Variants in GALNS observed in about 807,000 individuals in gnomAD.
GALNS encodes the protein galactosamine (N-acetyl)-6-sulfatase, also known as N-acetylgalactosamine-6-sulfatase.
A neutral mutation model predicts 65.9 loss-of-function variants in GALNS; 65 were observed. The observed-to-expected ratio is 0.99, with a 90% CI of 0.81 to 1.21. The LOEUF (loss-of-function observed/expected upper bound fraction) is 1.21, where lower values mean the gene tolerates loss of function less well. GALNS is among the 50% of genes most tolerant of loss of function. The probability of loss-of-function intolerance (pLI) is 0.00; values close to 1 mark genes in which losing one functional copy is unlikely to be tolerated. For synonymous variants in GALNS, 346 were observed against 288.9 expected (o/e 1.20, Z -2.00); for missense variants, 776 against 700.7 (o/e 1.11, Z -1.21).
chr16:88,843,534 C>G (rs1240707639), intron 1 of GALNS: 25 of 271,858 alleles, frequency 9.2e-5, no homozygotes, highest in Non-Finnish European at 7.4e-6. Context: ...GATGAGGTCA[C>G]GCTGGGCCAG....
intron 13 of GALNS, 52 bp downstream of exon 13, chr16:88,817,954 TG>T: frequency 7.1e-7 from 1 of 1,418,206 alleles, no homozygotes; most frequent in Non-Finnish European, 9.6e-7. Context: ...GGGCCCCGGG[TG>T]GGTGGCTGCA....
At chr16:88,851,419 C>T (rs1260137135) in intron 1 of GALNS, among the ~76,000 whole-genome samples, 4 of 152,120 alleles carry the variant, frequency 2.6e-5, no homozygotes, top group East Asian at 3.9e-4. Flanking sequence ...GGAACAGCTC[C>T]GGGCTGCAGC....
At chr16:88,830,256 A>C (rs1567525143) in intron 9 of GALNS, among the ~76,000 whole-genome samples, 1 of 139,122 alleles carries the variant, frequency 7.2e-6, no homozygotes, top group Admixed American at 7.0e-5. Flanking sequence ...AAAAAAAAAA[A>C]CGTGGAACAG....
At chr16:88,854,533 C>T (rs576102833) in intron 1 of GALNS, among the ~76,000 whole-genome samples, 1 of 152,270 alleles carries the variant, frequency 6.6e-6, no homozygotes, top group East Asian at 1.9e-4. Context: ...GGGGTAGGCC[C>T]GAGGCTCCGA....
At chr16:88,853,443 A>G (rs1967602349) in intron 1 of GALNS, among the ~76,000 whole-genome samples, 1 of 152,064 alleles carries the variant, frequency 6.6e-6, no homozygotes, top group Non-Finnish European at 1.5e-5. Context: ...GTTTCAAACG[A>G]GGGGCACTGA....
chr16:88,827,798 G>T (rs1911087876), intron 9 of GALNS, among the ~76,000 whole-genome samples: 1 of 152,220 alleles, frequency 6.6e-6, no homozygotes, highest in Admixed American at 6.5e-5. Flanking sequence ...GGAGACTGGG[G>T]TGGGGCTGGA....
chr16:88,835,154 C>T, intron 8 of GALNS, 59 bp downstream of exon 8: 1 of 1,550,100 alleles, frequency 6.5e-7, no homozygotes, highest in Non-Finnish European at 8.7e-7. Flanking sequence ...CCGGTCCAGG[C>T]ACTCTTCGCT....
intron 1 of GALNS, among the ~76,000 whole-genome samples, chr16:88,848,788 G>A (rs973738338): frequency 5.3e-5 from 8 of 152,036 alleles, no homozygotes; most frequent in East Asian, 1.9e-4. Context: ...GACTGGGAAC[G>A]GCTGCTGGAG....
chr16:88,837,620 AC>A lies in GALNS; in HGVS notation c.566+1del, dbSNP rs1302052996. ...GGAGGGGAAGGGGTGGGGCTCCATT[AC>A]CTGCCAACCATCTCCCAGTCCCTGT... On this transcript the variant is annotated splice_donor_variant, in intron 5 of 13. Coordinates refer to ENST00000268695, the MANE Select transcript of GALNS (RefSeq NM_000512.5). LOFTEE classifies it high-confidence loss of function. 2 of 1,612,502 alleles carry A rather than the reference AC, an allele frequency of 1.2e-6. No individual in the cohort carries two copies. Among genetic ancestry groups the A allele is most frequent in the South Asian group, 1.1e-5 (1 of 91,028 alleles).
intron 4 of GALNS, among the ~76,000 whole-genome samples, chr16:88,838,052 C>G (rs911675177): frequency 6.6e-6 from 1 of 152,198 alleles, no homozygotes; most frequent in East Asian, 1.9e-4. Context: ...TCGTGAGGAG[C>G]CTCCCAGCCG....
rs1967613390 is a variant in GALNS at position 88,853,642 on chromosome 16, G to A, written c.120+3116C>T. On this transcript the variant is annotated intron_variant, in intron 1 of 13. Transcript: ENST00000268695. ...CAGGAGCTGTGTGTGGGCCAGAGTG[G>A]AACTTGTCACTGGGTCTCACCTGTC... Among the ~76,000 whole-genome samples the A allele has an allele frequency of 3.9e-5, 6 of 152,204 alleles. No homozygotes were observed. The South Asian group carries it at 1.2e-3, about 32-fold the overall frequency.
chr16:88,853,369 G>A (rs79271306), intron 1 of GALNS, among the ~76,000 whole-genome samples: 7,958 of 151,748 alleles, frequency 0.052, 254 homozygotes, highest in Non-Finnish European at 0.073. Flanking sequence ...TTTAAGAAAC[G>A]CAGTTTCCAT....
intron 1 of GALNS, chr16:88,856,200 A>G: frequency 1.4e-6 from 1 of 702,976 alleles, no homozygotes. Flanking sequence ...CCTTAGGGAC[A>G]CCTGACCTTC....
At position 88,814,329 on chromosome 16, in the gene GALNS, C is replaced by T. The variant is rs1396405247; in HGVS notation, c.*110G>A. 1 of 1,413,934 alleles carries T rather than the reference C, an allele frequency of 7.1e-7. No individual in the cohort carries two copies. The highest frequency in any genetic ancestry group is 1.4e-5 in the African/African-American group (1 of 70,380). 87.6% of individuals were successfully genotyped at this position (1,413,934 alleles called of 1,614,324 possible). A position where few individuals can be genotyped will look rare whatever the true frequency, so the allele number is the denominator to read the frequency against. ...GTCCCCCTGCGTCTGCAGGTGCTGT[C>T]TGTCTGGCTTGGGCAGGGTTGGGGG... On this transcript the variant is annotated 3_prime_UTR_variant, in exon 14 of 14. Coordinates refer to ENST00000268695, the MANE Select transcript of GALNS (RefSeq NM_000512.5).
At chr16:88,854,251 C>T (rs181606501) in intron 1 of GALNS, among the ~76,000 whole-genome samples, 87 of 152,354 alleles carry the variant, frequency 5.7e-4, no homozygotes, top group South Asian at 4.6e-3. Context: ...CAGACGCCAG[C>T]GCCCTGGCAG....
At chr16:88,831,917 T>C (rs1299910416) in intron 9 of GALNS, 81 bp downstream of exon 9, 12 of 1,184,380 alleles carry the variant, frequency 1.0e-5, no homozygotes, top group African/African-American at 4.6e-5. Context: ...ATGGGGGAGG[T>C]GGCCAGTGAG....
chr16:88,832,402 C>A (rs1028127335), intron 8 of GALNS, among the ~76,000 whole-genome samples: 1 of 152,210 alleles, frequency 6.6e-6, no homozygotes, highest in African/African-American at 2.4e-5. Context: ...CTGGGTGCCA[C>A]GTGCGCAGCT....
chr16:88,832,246 G>A (rs1169669407), intron 8 of GALNS, 145 bp from the exon 9 acceptor site: 38 of 765,894 alleles, frequency 5.0e-5, no homozygotes, highest in Non-Finnish European at 8.4e-5. Context: ...TCCGAGCCTC[G>A]GGGTGGCTCT....
intron 1 of GALNS, chr16:88,856,340 G>C (rs372253680): frequency 7.1e-6 from 5 of 702,458 alleles, no homozygotes; most frequent in African/African-American, 7.0e-5. Context: ...GGCAGGAGCA[G>C]CCTCTTCCTC....
Sources: allele counts gnomAD v4.1 joint callset (sites outside exome capture counted in the v4.1 genomes callset), GRCh38; gene constraint gnomAD v4.1.1; transcripts MANE v1.5; gene names NCBI Gene and HGNC (gene_info 2026-07-23, HGNC 2026-07-21).